Variants in GRIN2A observed in about 807,000 individuals in gnomAD.
GRIN2A encodes glutamate receptor ionotropic, NMDA 2A.
A neutral mutation model predicts 113.4 loss-of-function variants in GRIN2A; 22 were observed. The ratio of observed to expected loss-of-function variants is 0.19; its 90% CI spans 0.14 to 0.28. The LOEUF is 0.28. Among genes scored for constraint, GRIN2A ranks in the 10% least tolerant of loss-of-function variants. GRIN2A has a pLI of 1.00. For synonymous variants in GRIN2A, 827 were observed against 738.4 expected (o/e 1.12, Z -1.94); for missense variants, 1,502 against 1,887.0 (o/e 0.80, Z 3.78).
At chr16:10,158,805 T>C (rs138490827) in intron 2 of GRIN2A, among the ~76,000 whole-genome samples, 3 of 152,248 alleles carry the variant, frequency 2.0e-5, no homozygotes, top group Admixed American at 6.5e-5. Context: ...CTGGTCTCCT[T>C]TTGGAGTGAT....
intron 2 of GRIN2A, among the ~76,000 whole-genome samples, chr16:10,138,691 A>T (rs943764509): frequency 1.3e-5 from 2 of 152,146 alleles, no homozygotes; most frequent in Non-Finnish European, 2.9e-5. Flanking sequence ...CAGTTTTCCC[A>T]TCTGTCAAGC....
intron 11 of GRIN2A, among the ~76,000 whole-genome samples, chr16:9,793,779 A>C (rs1273742024): frequency 1.3e-5 from 2 of 151,790 alleles, no homozygotes; most frequent in East Asian, 3.9e-4. Context: ...ATACACATAC[A>C]TAAGAATATA....
At chr16:10,075,447 C>T (rs773687524) in intron 2 of GRIN2A, among the ~76,000 whole-genome samples, 7 of 151,852 alleles carry the variant, frequency 4.6e-5, no homozygotes, top group Middle Eastern at 3.2e-3. Context: ...AGCAGCGGGG[C>T]GGAATGGAGA....
intron 2 of GRIN2A, among the ~76,000 whole-genome samples, chr16:10,052,808 A>C (rs1428429370): frequency 6.6e-6 from 1 of 152,020 alleles, no homozygotes; most frequent in South Asian, 2.1e-4. Context: ...AGCACTTTGG[A>C]AGGCCAAGGT....
At chr16:9,767,695 G>A (rs1328980807) in intron 12 of GRIN2A, among the ~76,000 whole-genome samples, 3 of 152,198 alleles carry the variant, frequency 2.0e-5, no homozygotes, top group African/African-American at 7.2e-5. Context: ...CGAATGAATG[G>A]ACATATAGAT....
At chr16:10,048,024 A>G (rs551020938) in intron 2 of GRIN2A, among the ~76,000 whole-genome samples, 23 of 152,250 alleles carry the variant, frequency 1.5e-4, no homozygotes, top group Non-Finnish European at 2.2e-4. Flanking sequence ...TTTAATCACA[A>G]TCTGTTTCTG....
intron 2 of GRIN2A, among the ~76,000 whole-genome samples, chr16:10,065,253 C>T (rs2047626849): frequency 6.6e-6 from 1 of 152,182 alleles, no homozygotes; most frequent in Non-Finnish European, 1.5e-5. Context: ...TAGCCTGCTG[C>T]CACCCAGCCA....
chr16:10,068,129 T>C (rs940654978), intron 2 of GRIN2A, among the ~76,000 whole-genome samples: 24 of 152,372 alleles, frequency 1.6e-4, no homozygotes, highest in African/African-American at 5.8e-4. Flanking sequence ...GGTCCTCTGC[T>C]TTCCCAAAGC....
At chr16:10,058,443 C>A (rs2142001750) in intron 2 of GRIN2A, among the ~76,000 whole-genome samples, 1 of 152,236 alleles carries the variant, frequency 6.6e-6, no homozygotes, top group Admixed American at 6.5e-5. Flanking sequence ...TGTGCTGTGT[C>A]TACTAACTAC....
chr16:9,998,102 T>A (rs2046258142), intron 2 of GRIN2A, among the ~76,000 whole-genome samples: 1 of 152,206 alleles, frequency 6.6e-6, no homozygotes, highest in African/African-American at 2.4e-5. Context: ...CTGTCTGTTT[T>A]TACCCAAAAA....
chr16:10,165,843 A>C (rs1215522288), intron 2 of GRIN2A, among the ~76,000 whole-genome samples: 1 of 151,816 alleles, frequency 6.6e-6, no homozygotes, highest in Non-Finnish European at 1.5e-5. Flanking sequence ...AAGAGGAAAA[A>C]CTAGTATCAA....
chr16:9,939,296 C>T (rs553894948), intron 2 of GRIN2A, among the ~76,000 whole-genome samples: 45 of 152,050 alleles, frequency 3.0e-4, no homozygotes, highest in Non-Finnish European at 5.7e-4. Flanking sequence ...AGAGGAATCC[C>T]GAGGATGCAC....
chr16:9,825,899 G>A (rs1253908302), intron 9 of GRIN2A, among the ~76,000 whole-genome samples: 1 of 151,984 alleles, frequency 6.6e-6, no homozygotes, highest in Non-Finnish European at 1.5e-5. Flanking sequence ...GACCAACTCA[G>A]TGCAATAACA....
rs149801010 is a variant in GRIN2A, at chr16:10,005,408, T to A, written c.415-66857A>T. Among the ~76,000 whole-genome samples, 294 of 152,316 alleles carry A rather than the reference T, an allele frequency of 1.9e-3. 5 individuals carry two copies. In the East Asian group the frequency reaches 0.025, roughly 13 times the overall value. On this transcript the variant is annotated intron_variant, in intron 2 of 12. Coordinates refer to ENST00000330684, the MANE Select transcript of GRIN2A (RefSeq NM_001134407.3). ...AGTATAACATTTTTTATTACTCACA[T>A]TAACTGCTATTTTTCAATCCAAAGG...
chr16:9,753,407 C>T (rs1317189487), downstream of GRIN2A: 2 of 188,380 alleles, frequency 1.1e-5, no homozygotes, highest in Non-Finnish European at 2.2e-5. Context: ...AACTCAATTT[C>T]TCATTTTCAT....
At chr16:9,809,978 G>T (rs993130139) in intron 10 of GRIN2A, among the ~76,000 whole-genome samples, 2 of 152,180 alleles carry the variant, frequency 1.3e-5, no homozygotes, top group South Asian at 2.1e-4. Flanking sequence ...TGAGGCAGGA[G>T]AATCACTTGA....
chr16:10,039,309 T>C (rs1389919179), intron 2 of GRIN2A, among the ~76,000 whole-genome samples: 2 of 152,198 alleles, frequency 1.3e-5, no homozygotes, highest in Admixed American at 6.5e-5. Context: ...CGAATGCGAA[T>C]GTGCATTCGT....
chr16:10,126,544 T>C (rs1262303074), intron 2 of GRIN2A, among the ~76,000 whole-genome samples: 4 of 152,194 alleles, frequency 2.6e-5, no homozygotes, highest in African/African-American at 7.2e-5. Context: ...GCCATTGAGT[T>C]TTTATTCTCT....
At chr16:9,996,024 C>CAAAAAAAAAAA (rs57133009) in intron 2 of GRIN2A, among the ~76,000 whole-genome samples, 15 of 51,142 alleles carry the variant, frequency 2.9e-4, no homozygotes, top group East Asian at 6.5e-4. Context: ...CAGAGGGTGG[C>CAAAAAAAAAAA]AAAAAAAAAA....
Sources: gnomAD v4.1 joint callset for allele counts (sites outside exome capture counted in the v4.1 genomes callset) on GRCh38, gnomAD v4.1.1 for gene constraint, MANE v1.5 for transcripts, NCBI Gene and HGNC (gene_info 2026-07-23, HGNC 2026-07-21) for gene names.